Variants in RGS5 observed in about 807,000 individuals in gnomAD.
The protein encoded by RGS5 is regulator of G protein signaling 5.
Under a neutral mutation model 18.9 loss-of-function variants are expected in RGS5, and 20 were observed. The ratio of observed to expected loss-of-function variants is 1.06; its 90% confidence interval spans 0.74 to 1.54. RGS5 has a LOEUF of 1.54. RGS5 is among the 40% of genes most tolerant of loss of function. The pLI, the probability that RGS5 is intolerant of heterozygous loss-of-function variation, is 0.00. For missense variants in RGS5, 201 were observed against 211.8 expected (o/e 0.95, Z 0.32); for synonymous variants, 57 against 76.2 (o/e 0.75, Z 1.31).
At chr1:163,216,611 C>T (rs1056299427) in intron 1 of RGS5, among the ~76,000 whole-genome samples, 11 of 152,054 alleles carry the variant, frequency 7.2e-5, no homozygotes, top group Admixed American at 3.9e-4. Context: ...GGAGATTTTT[C>T]GTAGGTCGTC....
intron 1 of RGS5, among the ~76,000 whole-genome samples, chr1:163,170,772 G>T (rs953776391): frequency 1.3e-5 from 2 of 152,060 alleles, no homozygotes; most frequent in East Asian, 3.9e-4. Flanking sequence ...GCCAACTCAG[G>T]TCCCATAGTA....
At chr1:163,208,302 C>T (rs1327213858) in intron 1 of RGS5, among the ~76,000 whole-genome samples, 2 of 138,438 alleles carry the variant, frequency 1.4e-5, no homozygotes, top group Non-Finnish European at 1.5e-5. Context: ...GAGCCGAGAT[C>T]CCGCCACTGC....
At chr1:163,246,853 A>G (rs1186212847) in intron 2 of RGS5, among the ~76,000 whole-genome samples, 1 of 152,228 alleles carries the variant, frequency 6.6e-6, no homozygotes, top group Non-Finnish European at 1.5e-5. Flanking sequence ...TCAACAGTGG[A>G]CCAGATAAAG....
chr1:163,174,733 A>C (rs1658471657), intron 1 of RGS5, among the ~76,000 whole-genome samples: 1 of 152,190 alleles, frequency 6.6e-6, no homozygotes, highest in South Asian at 2.1e-4. Context: ...ATAAGACCAT[A>C]ATTTTTCAGG....
At chr1:163,274,908 C>G (rs571102064) in intron 2 of RGS5, among the ~76,000 whole-genome samples, 2 of 152,206 alleles carry the variant, frequency 1.3e-5, no homozygotes, top group East Asian at 3.9e-4. Flanking sequence ...CTTGAGCCAA[C>G]GAGTTCAAGA....
chr1:163,275,446 T>G (rs1483782265), intron 2 of RGS5, among the ~76,000 whole-genome samples: 2 of 152,040 alleles, frequency 1.3e-5, no homozygotes, highest in Non-Finnish European at 2.9e-5. Flanking sequence ...CTCTTAAGCA[T>G]ATGAGATCAA....
intron 2 of RGS5, among the ~76,000 whole-genome samples, chr1:163,167,346 T>A (rs971914416): frequency 6.6e-6 from 1 of 152,230 alleles, no homozygotes; most frequent in Non-Finnish European, 1.5e-5. Flanking sequence ...CTTCCCATTT[T>A]CCTTTCTTGA....
chr1:163,283,860 G>A (rs372080743), intron 2 of RGS5, among the ~76,000 whole-genome samples: 4 of 152,170 alleles, frequency 2.6e-5, no homozygotes, highest in Non-Finnish European at 5.9e-5. Flanking sequence ...TGTCAATAAT[G>A]AGTGTATTTG....
At chr1:163,315,355 G>A (rs1035105054) in intron 1 of RGS5, among the ~76,000 whole-genome samples, 18 of 152,188 alleles carry the variant, frequency 1.2e-4, no homozygotes, top group South Asian at 4.2e-4. Context: ...CCAGGAGTTC[G>A]AGATCAGCCT....
intron 2 of RGS5, among the ~76,000 whole-genome samples, chr1:163,236,822 A>G (rs961638113): frequency 4.6e-5 from 7 of 152,038 alleles, no homozygotes; most frequent in Non-Finnish European, 1.0e-4. Context: ...TTAGCTGGGC[A>G]TGGTGGCACA....
At chr1:163,262,169 T>TTTTC (rs35124593) in intron 2 of RGS5, among the ~76,000 whole-genome samples, 1 of 143,468 alleles carries the variant, frequency 7.0e-6, no homozygotes, top group Non-Finnish European at 1.5e-5. Context: ...TTTTTTTTTT[T>TTTTC]ATTATACTCT....
intron 1 of RGS5, among the ~76,000 whole-genome samples, chr1:163,188,557 G>A (rs993904294): frequency 1.3e-5 from 2 of 152,104 alleles, no homozygotes; most frequent in African/African-American, 4.8e-5. Flanking sequence ...ATGGATTTGG[G>A]GTGGATTCTG....
chr1:163,147,039 T>G lies in RGS5; in HGVS notation c.*303A>C, dbSNP rs1177548858. The G allele has an allele frequency of 4.5e-5, 10 of 221,556 alleles. No individual in the cohort carries two copies. Among genetic ancestry groups the G allele is most frequent in the Non-Finnish European group, 8.8e-6 (1 of 113,926 alleles). 13.7% of individuals were successfully genotyped at this position (221,556 alleles called of 1,614,324 possible). On this transcript the variant is annotated 3_prime_UTR_variant, in exon 5 of 5. Coordinates refer to ENST00000313961, the MANE Select transcript of RGS5 (RefSeq NM_003617.4). ...CCCACATTCATTGATATCATAGTCTTGTCTTATATTTCTTTGCCTTAGGCA... is the reference window on the plus strand; with the variant it reads ...CCCACATTCATTGATATCATAGTCTGGTCTTATATTTCTTTGCCTTAGGCA...
At chr1:163,260,358 T>C (rs1320257218) in intron 2 of RGS5, 1 of 152,204 alleles carries the variant, frequency 6.6e-6, no homozygotes, top group East Asian at 1.9e-4. Context: ...CTTAGTTTAT[T>C]GAAATTATCG....
intron 1 of RGS5, among the ~76,000 whole-genome samples, chr1:163,319,776 G>A (rs1436913718): frequency 2.0e-5 from 3 of 152,116 alleles, no homozygotes; most frequent in East Asian, 1.9e-4. Context: ...GCACATGTGA[G>A]GGTACAAAAT....
intron 1 of RGS5, chr1:163,172,451 T>A (rs1658346305): frequency 1.6e-6 from 2 of 1,256,526 alleles, no homozygotes; most frequent in East Asian, 2.5e-5. Context: ...TTTATCTATA[T>A]CACTGCTTAA....
chr1:163,287,140 A>T (rs909229287), intron 2 of RGS5, among the ~76,000 whole-genome samples: 9 of 152,224 alleles, frequency 5.9e-5, no homozygotes, highest in African/African-American at 2.2e-4. Flanking sequence ...TATGTATGCC[A>T]AAGTTTTCCT....
intron 1 of RGS5, among the ~76,000 whole-genome samples, chr1:163,172,230 A>C (rs749061592): frequency 6.6e-6 from 1 of 152,232 alleles, no homozygotes; most frequent in Admixed American, 6.5e-5. Flanking sequence ...GAAAACAAAC[A>C]AGAGATAAAA....
At chr1:163,204,309 CCACACACACACACACACA>C (rs10616125), upstream of RGS5, among the ~76,000 whole-genome samples, 3 of 145,090 alleles carry the variant, frequency 2.1e-5, no homozygotes, top group Admixed American at 7.0e-5. Context: ...TGGCTCTAAA[CCACACACACACACACACA>C]CACACACACA....
Sources: allele counts gnomAD v4.1 joint callset (sites outside exome capture counted in the v4.1 genomes callset), GRCh38; gene constraint gnomAD v4.1.1; transcripts MANE v1.5; gene names NCBI Gene and HGNC (gene_info 2026-07-23, HGNC 2026-07-21).